The following SLC43A1 variants were observed in gnomAD, a reference collection of about 807,000 sequenced individuals.
The protein encoded by SLC43A1 is large neutral amino acids transporter small subunit 3.
A neutral mutation model predicts 59.5 loss-of-function variants in SLC43A1; 31 were observed. That is an observed-to-expected ratio of 0.52 (90% CI 0.39 to 0.70). The LOEUF is 0.70. SLC43A1 is among the 30% of genes least tolerant of loss of function. SLC43A1 has a pLI of 0.00. For missense variants in SLC43A1, 598 were observed against 717.8 expected, an observed-to-expected ratio of 0.83 and a Z score of 1.91; for synonymous variants, 259 against 290.9, an observed-to-expected ratio of 0.89 and a Z score of 1.12.
At position 57,515,301 on chromosome 11, in the gene SLC43A1, C is replaced by A. The variant is rs1425603545; in HGVS notation, c.-14+143G>T. On this transcript the variant is annotated intron_variant, in intron 1 of 14. Transcript: ENST00000278426. This position sits in a 1 kb window ranked among gnomAD's most constrained non-coding sequence, Gnocchi z 5.3. ...GAAGGACGCGCTTGGCGAGATGGGA[C>A]ACTGTGCCGCGGGACCGCGGGCGCA... The A allele has an allele frequency of 6.5e-6, 1 of 152,736 alleles. No homozygotes were observed. The highest frequency in any genetic ancestry group is 1.9e-4 in the East Asian group (1 of 5,168). 9.5% of individuals were successfully genotyped at this position (152,736 alleles called of 1,614,324 possible). A position where few individuals can be genotyped will look rare whatever the true frequency, so the allele number is the denominator to read the frequency against.
rs1344371430 is a variant in SLC43A1 at position 57,489,091 on chromosome 11, C to A, written c.1336-102G>T. 24 of 1,433,434 alleles carry A rather than the reference C, an allele frequency of 1.7e-5. No individual in the cohort carries two copies. In the Middle Eastern group the frequency reaches 5.3e-4, roughly 32 times the overall value. The allele number at this position is 1,433,434 out of a possible 1,614,324, so 88.8% of individuals were successfully genotyped here. A position where few individuals can be genotyped will look rare whatever the true frequency, so the allele number is the denominator to read the frequency against. ...CCAACTGGGCCTCAATTCCCACCCC[C>A]TCGCCAACCCAATCTACTAGAAACA... On this transcript the variant is annotated intron_variant, in intron 12 of 14. Coordinates refer to ENST00000278426, the MANE Select transcript of SLC43A1 (RefSeq NM_003627.6).
At chr11:57,506,040 C>T (rs1043341341) in intron 2 of SLC43A1, among the ~76,000 whole-genome samples, 3 of 152,162 alleles carry the variant, frequency 2.0e-5, no homozygotes, top group African/African-American at 7.2e-5. Context: ...CTGACATGGT[C>T]ACATTCAGCA....
chr11:57,501,124 C>T (rs376725217), intron 3 of SLC43A1, 28 bp downstream of exon 3: 7 of 1,612,852 alleles, frequency 4.3e-6, no homozygotes, highest in Non-Finnish European at 5.9e-6. Flanking sequence ...TCCCTGTCCT[C>T]CCGTTCCCCA....
intron 2 of SLC43A1, among the ~76,000 whole-genome samples, chr11:57,512,108 T>C (rs1427348742): frequency 6.6e-6 from 1 of 152,210 alleles, no homozygotes; most frequent in Non-Finnish European, 1.5e-5. Flanking sequence ...ATTTTACATA[T>C]TTAAAAATGC....
intron 14 of SLC43A1, 88 bp downstream of exon 14, chr11:57,487,007 T>G (rs982586812): frequency 2.0e-5 from 28 of 1,433,700 alleles, no homozygotes; most frequent in Non-Finnish European, 2.6e-5. Context: ...CTGGCTGAGA[T>G]GAGTGAGGGA....
intron 8 of SLC43A1, 100 bp downstream of exon 8, chr11:57,493,893 T>G: frequency 8.4e-7 from 1 of 1,188,472 alleles, no homozygotes; most frequent in Non-Finnish European, 1.2e-6. Context: ...TTGTAAGGAC[T>G]GAAGAGGGGT....
chr11:57,499,328 A>AC (rs369123834), intron 5 of SLC43A1, among the ~76,000 whole-genome samples: 4,078 of 143,440 alleles, frequency 0.028, 180 homozygotes, highest in African/African-American at 0.11. Context: ...CGTCTCAACA[A>AC]AAAAAAAAAA....
rs567413015 is a variant in SLC43A1 at position 57,514,398 on chromosome 11, G to C, written c.-13-274C>G. The C allele has an allele frequency of 4.5e-5, 19 of 426,782 alleles. No homozygotes were observed. Among genetic ancestry groups the C allele is most frequent in the African/African-American group, 3.4e-4 (17 of 49,326 alleles). 26.4% of individuals were successfully genotyped at this position (426,782 alleles called of 1,614,324 possible). A position where few individuals can be genotyped will look rare whatever the true frequency, so the allele number is the denominator to read the frequency against. On this transcript the variant is annotated intron_variant, in intron 1 of 14. Transcript: ENST00000278426. This position sits in a 1 kb window ranked among gnomAD's most constrained non-coding sequence, Gnocchi z 5.5. ...CTGCAGCTTCCTAGCAGGCTGCCGG[G>C]TTCTCTCACCCAGGCCAGGGCGCTC... is the stretch of plus-strand genomic sequence containing the variant.
At position 57,515,289 on chromosome 11, in the gene SLC43A1, G is replaced by C. The variant is rs1460016768; in HGVS notation, c.-14+155C>G. On this transcript the variant is annotated intron_variant, in intron 1 of 14. Coordinates refer to ENST00000278426, the MANE Select transcript of SLC43A1 (RefSeq NM_003627.6). The surrounding 1 kb of genome is among the most constrained non-coding windows in gnomAD (Gnocchi z 5.3). ...GAAAAGAAAAGGGAAGGACGCGCTT[G>C]GCGAGATGGGACACTGTGCCGCGGG... The C allele has an allele frequency of 6.5e-6, 1 of 153,362 alleles. No homozygotes were observed. Among genetic ancestry groups the C allele is most frequent in the Non-Finnish European group, 1.4e-5 (1 of 69,072 alleles). 9.5% of individuals were successfully genotyped at this position (153,362 alleles called of 1,614,324 possible).
chr11:57,494,407 T>C, intron 7 of SLC43A1: 1 of 497,816 alleles, frequency 2.0e-6, no homozygotes, highest in Middle Eastern at 5.1e-4. Context: ...ACTTGGGCTG[T>C]TCCCATGGAG....
In SLC43A1 at chr11:57,514,603, T is replaced by C. The variant is rs1022084796; in HGVS notation, c.-13-479A>G. ...CTACCCTACGACCCCATCTTCCAGT[T>C]GCCCCTCCAAGACCTCTCCTTCCCT... On this transcript the variant is annotated intron_variant, in intron 1 of 14. Transcript: ENST00000278426. This position sits in a 1 kb window ranked among gnomAD's most constrained non-coding sequence, Gnocchi z 5.5. The C allele has an allele frequency of 6.2e-5, 10 of 161,526 alleles. No individual in the cohort carries two copies. The highest frequency in any genetic ancestry group is 1.3e-4 in the Non-Finnish European group (10 of 74,440). The allele number at this position is 161,526 out of a possible 1,614,324, so 10.0% of individuals were successfully genotyped here. A position where few individuals can be genotyped will look rare whatever the true frequency, so the allele number is the denominator to read the frequency against.
chr11:57,504,114 G>A (rs993360472), intron 2 of SLC43A1, among the ~76,000 whole-genome samples: 24 of 152,198 alleles, frequency 1.6e-4, no homozygotes, highest in Middle Eastern at 3.4e-3. Flanking sequence ...GGAGAATGGC[G>A]TGAACCCGGG....
Position 57,501,333 on chromosome 11 carries a change from A to T in SLC43A1, c.155-4T>A, listed in dbSNP as rs1404621880. 1 of 1,606,814 alleles carries T rather than the reference A, an allele frequency of 6.2e-7. No individual in the cohort carries two copies. Among genetic ancestry groups the T allele is most frequent in the African/African-American group, 1.3e-5 (1 of 74,888 alleles). On this transcript the variant is annotated splice_polypyrimidine_tract_variant and splice_region_variant and intron_variant, in intron 2 of 14. Transcript: ENST00000278426. ...GTGGTGTTGGTGCTGCTCTCAGCTG[A>T]GGAGGGGGAAGGGAGGGCTCAGCAC...
In SLC43A1 at chr11:57,514,357, A is replaced by G; in HGVS notation, c.-13-233T>C. 1.9e-6 allele frequency: 1 copy of G among 531,798 alleles called. No homozygotes were observed. The highest frequency in any genetic ancestry group is 3.3e-6 in the Non-Finnish European group (1 of 300,970). The allele number at this position is 531,798 out of a possible 1,614,324, so 32.9% of individuals were successfully genotyped here. A position where few individuals can be genotyped will look rare whatever the true frequency, so the allele number is the denominator to read the frequency against. ...GCTGAGCCACTATCGGAAACAAGGAAGGTCCTGTCTGCGCGCTGCAGCTTC... is the reference window on the plus strand; with the variant it reads ...GCTGAGCCACTATCGGAAACAAGGAGGGTCCTGTCTGCGCGCTGCAGCTTC... On this transcript the variant is annotated intron_variant, in intron 1 of 14. Coordinates refer to ENST00000278426, the MANE Select transcript of SLC43A1 (RefSeq NM_003627.6). This position sits in a 1 kb window ranked among gnomAD's most constrained non-coding sequence, Gnocchi z 5.5.
chr11:57,500,551 C>A (rs1359109950), intron 5 of SLC43A1, among the ~76,000 whole-genome samples: 3 of 152,198 alleles, frequency 2.0e-5, no homozygotes, highest in African/African-American at 7.2e-5. Flanking sequence ...TCTGTACACA[C>A]AAACACACAC....
At chr11:57,506,470 A>G (rs1334489286) in intron 2 of SLC43A1, among the ~76,000 whole-genome samples, 1 of 152,218 alleles carries the variant, frequency 6.6e-6, no homozygotes, top group Non-Finnish European at 1.5e-5. Flanking sequence ...TGGGAGATCA[A>G]GGTTGCAGTG....
chr11:57,512,543 CAAAAA>C (rs1198549159), intron 2 of SLC43A1, among the ~76,000 whole-genome samples: 1 of 122,712 alleles, frequency 8.1e-6, no homozygotes, highest in Non-Finnish European at 1.8e-5. Context: ...GACTCTGTCT[CAAAAA>C]AAAAAAAAAA....
chr11:57,484,995 GGCTCTATGT>G lies in SLC43A1; in HGVS notation c.*92_*100del. 3 of 1,282,764 alleles carry G rather than the reference GGCTCTATGT, an allele frequency of 2.3e-6. No individual in the cohort carries two copies. Among genetic ancestry groups the G allele is most frequent in the Non-Finnish European group, 3.2e-6 (3 of 946,304 alleles). 79.5% of individuals were successfully genotyped at this position (1,282,764 alleles called of 1,614,324 possible). A position where few individuals can be genotyped will look rare whatever the true frequency, so the allele number is the denominator to read the frequency against. The stretch of plus-strand genomic sequence containing the variant: ...TTGGTATTTATAAATCTACGGCCAT[GGCTCTATGT>G]GCATGTTACAGGTAGAAAAGCCATA... On this transcript the variant is annotated 3_prime_UTR_variant, in exon 15 of 15. Transcript: ENST00000278426.
chr11:57,488,786 A>G, intron 13 of SLC43A1, 130 bp downstream of exon 13: 1 of 779,848 alleles, frequency 1.3e-6, no homozygotes, highest in Admixed American at 2.0e-5. Flanking sequence ...TAAGGAAGTG[A>G]GCTCCCTGCC....
Sources: gnomAD v4.1 joint callset for allele counts (sites outside exome capture counted in the v4.1 genomes callset) on GRCh38, gnomAD v4.1.1 for gene constraint, Gnocchi (gnomAD v3.1) non-coding constraint, MANE v1.5 for transcripts, NCBI Gene and HGNC (gene_info 2026-07-23, HGNC 2026-07-21) for gene names.